The following FGF14 variants were observed in gnomAD, a reference collection of about 807,000 sequenced individuals.
The protein encoded by FGF14 is fibroblast growth factor homologous factor 4.
In FGF14, 5 loss-of-function variants were observed where a neutral mutation model predicts 25.5. That is an observed-to-expected ratio of 0.20 (90% CI 0.10 to 0.41). The LOEUF (loss-of-function observed/expected upper bound fraction) is 0.41, where lower values mean the gene tolerates loss of function less well. Among genes scored for constraint, FGF14 ranks in the 10% least tolerant of loss-of-function variants. The pLI, the probability that FGF14 is intolerant of heterozygous loss-of-function variation, is 1.00. For missense variants in FGF14, 222 were observed against 320.1 expected (o/e 0.69, Z 2.34); for synonymous variants, 138 against 118.3 (o/e 1.17, Z -1.08).
chr13:101,888,447 T>C (rs1012597900), intron 1 of FGF14, among the ~76,000 whole-genome samples: 2 of 151,804 alleles, frequency 1.3e-5, no homozygotes, highest in African/African-American at 4.8e-5. Flanking sequence ...TATACATGAA[T>C]GTGTGTGTGT....
chr13:101,783,402 G>A (rs567622794), intron 3 of FGF14, among the ~76,000 whole-genome samples: 3 of 151,796 alleles, frequency 2.0e-5, no homozygotes, highest in Non-Finnish European at 4.4e-5. Context: ...CCCAGGAGGC[G>A]GAGATTGCAG....
At chr13:101,773,735 G>C (rs1480354594) in intron 3 of FGF14, among the ~76,000 whole-genome samples, 1 of 151,490 alleles carries the variant, frequency 6.6e-6, no homozygotes, top group African/African-American at 2.4e-5. Flanking sequence ...TCCAAGTGCA[G>C]TGTCTGCTGT....
intron 1 of FGF14, among the ~76,000 whole-genome samples, chr13:101,998,627 C>T (rs2039316141): frequency 6.6e-6 from 1 of 152,216 alleles, no homozygotes; most frequent in African/African-American, 2.4e-5. Context: ...AGATTCTGTG[C>T]AAGACCTTCA....
intron 1 of FGF14, among the ~76,000 whole-genome samples, chr13:101,965,793 A>C (rs1275994458): frequency 1.3e-5 from 2 of 152,128 alleles, no homozygotes; most frequent in Non-Finnish European, 2.9e-5. Context: ...AATATAAGGC[A>C]ATCAATTTTA....
chr13:101,797,380 C>A (rs1475261197), intron 3 of FGF14, among the ~76,000 whole-genome samples: 1 of 152,034 alleles, frequency 6.6e-6, no homozygotes, highest in African/African-American at 2.4e-5. Context: ...TAATTTGTCA[C>A]ATGTAATTGT....
chr13:101,859,815 G>A (rs1197381515), intron 3 of FGF14, among the ~76,000 whole-genome samples: 7 of 152,098 alleles, frequency 4.6e-5, no homozygotes, highest in Admixed American at 4.6e-4. Context: ...CCTCTGGAAG[G>A]AGAAGGACAT....
intron 1 of FGF14, among the ~76,000 whole-genome samples, chr13:101,900,866 T>C (rs1484040787): frequency 6.6e-6 from 1 of 152,186 alleles, no homozygotes; most frequent in East Asian, 1.9e-4. Context: ...AAAGAGCATT[T>C]TGAATGTAAA....
At chr13:102,065,301 C>T (rs2042856129) in intron 1 of FGF14, among the ~76,000 whole-genome samples, 1 of 152,058 alleles carries the variant, frequency 6.6e-6, no homozygotes, top group South Asian at 2.1e-4. Context: ...CATATACGAT[C>T]TACTGTGCTA....
At chr13:101,974,574 G>A (rs1200617889) in intron 1 of FGF14, among the ~76,000 whole-genome samples, 2 of 152,016 alleles carry the variant, frequency 1.3e-5, no homozygotes, top group African/African-American at 4.8e-5. Context: ...CTCTGAAACA[G>A]AGCTACCACA....
At chr13:101,786,515 C>T (rs1254465691) in intron 3 of FGF14, among the ~76,000 whole-genome samples, 1 of 152,040 alleles carries the variant, frequency 6.6e-6, no homozygotes, top group Non-Finnish European at 1.5e-5. Context: ...CAAGGTTGTT[C>T]CCTCCTAAGC....
At chr13:102,082,758 T>A (rs2043689511) in intron 1 of FGF14, among the ~76,000 whole-genome samples, 1 of 151,074 alleles carries the variant, frequency 6.6e-6, no homozygotes, top group Admixed American at 6.6e-5. Context: ...ATCGAGACCA[T>A]CCCGGCTAAA....
chr13:102,071,613 A>G (rs1031378613), intron 1 of FGF14, among the ~76,000 whole-genome samples: 1 of 152,200 alleles, frequency 6.6e-6, no homozygotes, highest in African/African-American at 2.4e-5. Flanking sequence ...TTGTATGAGC[A>G]GTTTTTCCGG....
chr13:102,185,880 G>C (rs2048854249), intron 1 of FGF14, among the ~76,000 whole-genome samples: 1 of 152,176 alleles, frequency 6.6e-6, no homozygotes. Flanking sequence ...CTGCGACGTT[G>C]TGAAGTCACT....
At chr13:101,954,306 C>T (rs2036370341) in intron 1 of FGF14, among the ~76,000 whole-genome samples, 1 of 138,232 alleles carries the variant, frequency 7.2e-6, no homozygotes, top group Non-Finnish European at 1.5e-5. Flanking sequence ...ATGTATGAGG[C>T]ACTGGGCGGG....
intron 1 of FGF14, among the ~76,000 whole-genome samples, chr13:101,931,531 G>C (rs1006017729): frequency 6.6e-6 from 1 of 152,164 alleles, no homozygotes; most frequent in Non-Finnish European, 1.5e-5. Flanking sequence ...CACCATGTCT[G>C]AAAGGCATGA....
chr13:102,055,061 A>C (rs1047564124), intron 1 of FGF14, among the ~76,000 whole-genome samples: 2 of 152,212 alleles, frequency 1.3e-5, no homozygotes, highest in African/African-American at 4.8e-5. Flanking sequence ...AACTATAAAT[A>C]AAATCTCACC....
At chr13:102,143,521 T>C (rs1479106878) in intron 1 of FGF14, among the ~76,000 whole-genome samples, 1 of 152,140 alleles carries the variant, frequency 6.6e-6, no homozygotes, top group African/African-American at 2.4e-5. Flanking sequence ...ATATTGCCAA[T>C]TCATTCTCCC....
chr13:101,968,815 C>A (rs1282153582), intron 1 of FGF14, among the ~76,000 whole-genome samples: 1 of 148,850 alleles, frequency 6.7e-6, no homozygotes, highest in Non-Finnish European at 1.5e-5. Context: ...TTTTAACTCA[C>A]TTTTCATTTG....
At chr13:102,069,501 CTT>C (rs1242441825) in intron 1 of FGF14, among the ~76,000 whole-genome samples, 7 of 152,318 alleles carry the variant, frequency 4.6e-5, no homozygotes, top group Admixed American at 4.6e-4. Context: ...ACTGCTCACT[CTT>C]TGGGTCCACG....
Sources: gnomAD v4.1 joint callset for allele counts (sites outside exome capture counted in the v4.1 genomes callset) on GRCh38, gnomAD v4.1.1 for gene constraint, MANE v1.5 for transcripts, NCBI Gene and HGNC (gene_info 2026-07-23, HGNC 2026-07-21) for gene names.